FAM135B: variants seen among roughly 807,000 people sequenced by gnomAD.
The protein encoded by FAM135B is protein FAM135B.
FAM135B carries 43 observed loss-of-function variants against 127.7 expected under a neutral mutation model. That is an observed-to-expected ratio of 0.34 (90% CI 0.26 to 0.43). The LOEUF is 0.43. Ranked by LOEUF, FAM135B falls within the 20% of genes least tolerant of loss-of-function variation. The probability of loss-of-function intolerance (pLI) is 1.00; values close to 1 mark genes in which losing one functional copy is unlikely to be tolerated. For synonymous variants in FAM135B, 670 were observed against 665.1 expected, an observed-to-expected ratio of 1.01 and a Z score of -0.11; for missense variants, 1,558 against 1,725.6, an observed-to-expected ratio of 0.90 and a Z score of 1.72.
intron 7 of FAM135B, among the ~76,000 whole-genome samples, chr8:138,212,959 C>T (rs1222489479): frequency 1.3e-5 from 2 of 152,160 alleles, no homozygotes; most frequent in African/African-American, 4.8e-5. Context: ...TACTAGTCTC[C>T]AATTTAATGT....
intron 2 of FAM135B, among the ~76,000 whole-genome samples, chr8:138,326,258 T>G (rs1010593860): frequency 2.0e-5 from 3 of 152,174 alleles, no homozygotes; most frequent in African/African-American, 4.8e-5. Context: ...GCTGCTGGTC[T>G]GTCATCCAGG....
At chr8:138,424,121 C>T (rs779264641) in intron 1 of FAM135B, among the ~76,000 whole-genome samples, 11 of 152,058 alleles carry the variant, frequency 7.2e-5, no homozygotes, top group Middle Eastern at 6.8e-3. Flanking sequence ...GTGCAGTTAA[C>T]GCAATCATCA....
At chr8:138,396,257 T>G (rs978654) in intron 1 of FAM135B, among the ~76,000 whole-genome samples, 43,838 of 152,004 alleles carry the variant, frequency 0.29, 6,648 homozygotes, top group Non-Finnish European at 0.33. Context: ...TGACCGTGTC[T>G]GCATGGAGCA....
At chr8:138,227,718 T>G (rs1317602401) in intron 7 of FAM135B, among the ~76,000 whole-genome samples, 7 of 135,576 alleles carry the variant, frequency 5.2e-5, no homozygotes, top group African/African-American at 2.2e-4. Context: ...GTCTCTCTTT[T>G]TTTTTTTTTT....
chr8:138,452,448 C>A (rs896379899), intron 1 of FAM135B, among the ~76,000 whole-genome samples: 8 of 151,976 alleles, frequency 5.3e-5, no homozygotes, highest in Non-Finnish European at 1.0e-4. Context: ...GTGGAGGTGA[C>A]CACAGTCTAC....
chr8:138,433,883 G>A (rs924577944), intron 1 of FAM135B, among the ~76,000 whole-genome samples: 1 of 152,184 alleles, frequency 6.6e-6, no homozygotes, highest in East Asian at 1.9e-4. Context: ...CTGGCTCTGA[G>A]TATCATTATC....
At chr8:138,329,388 A>T (rs777137928) in intron 2 of FAM135B, among the ~76,000 whole-genome samples, 5 of 152,156 alleles carry the variant, frequency 3.3e-5, no homozygotes, top group African/African-American at 1.2e-4. Flanking sequence ...TTGCTTTTTG[A>T]TATGAAAACT....
At chr8:138,233,099 C>A (rs747711485) in intron 7 of FAM135B, among the ~76,000 whole-genome samples, 1 of 152,114 alleles carries the variant, frequency 6.6e-6, no homozygotes, top group Admixed American at 6.6e-5. Flanking sequence ...TATGGAATTA[C>A]AAATGATCTC....
In FAM135B at chr8:138,445,334, G is replaced by A. The variant is rs1240591544; in HGVS notation, c.-20+51337C>T. On this transcript the variant is annotated intron_variant, in intron 1 of 19. Coordinates refer to ENST00000395297, the MANE Select transcript of FAM135B (RefSeq NM_015912.4). ...CAGCATCATTCTGATACCAAAGCCT[G>A]GCAGAGACACAACAAAAAAAGAGAA... Among the ~76,000 whole-genome samples, 7 of 152,138 alleles carry A rather than the reference G, an allele frequency of 4.6e-5. No individual in the cohort carries two copies. In the East Asian group the frequency reaches 1.3e-3, roughly 29 times the overall value.
At chr8:138,136,383 G>C (rs1167521226) in intron 19 of FAM135B, among the ~76,000 whole-genome samples, 2 of 152,026 alleles carry the variant, frequency 1.3e-5, no homozygotes, top group African/African-American at 4.8e-5. Flanking sequence ...GACATTAGTG[G>C]ACACTGACAT....
chr8:138,241,001 C>A lies in FAM135B; in HGVS notation c.669+1941G>T, dbSNP rs767643380. On this transcript the variant is annotated intron_variant, in intron 7 of 19. Coordinates refer to ENST00000395297, the MANE Select transcript of FAM135B (RefSeq NM_015912.4). This position sits in a 1 kb window ranked among gnomAD's most constrained non-coding sequence, Gnocchi z 4.8. Reference sequence around the variant, plus strand: ...GACGTTCTGAGGGCCAGCACTGGCTCTGAGACTCTTCAGTCTCTACAATGG... The same window carrying A: ...GACGTTCTGAGGGCCAGCACTGGCTATGAGACTCTTCAGTCTCTACAATGG... 6.6e-6 allele frequency among the ~76,000 whole-genome samples: 1 copy of A among 152,196 alleles called. No homozygotes were observed. The highest frequency in any genetic ancestry group is 2.4e-5 in the African/African-American group (1 of 41,448).
chr8:138,450,268 T>C (rs2131584490), intron 1 of FAM135B, among the ~76,000 whole-genome samples: 1 of 152,376 alleles, frequency 6.6e-6, no homozygotes, highest in East Asian at 1.9e-4. Context: ...TCTTGATTGC[T>C]TCCAAGTTTT....
chr8:138,194,321 G>A (rs1816427944), intron 9 of FAM135B, among the ~76,000 whole-genome samples: 1 of 152,146 alleles, frequency 6.6e-6, no homozygotes, highest in East Asian at 1.9e-4. Flanking sequence ...TCCGCATTCC[G>A]CCCTCTCCAG....
At chr8:138,212,361 G>A (rs926753541) in intron 7 of FAM135B, among the ~76,000 whole-genome samples, 3 of 152,138 alleles carry the variant, frequency 2.0e-5, no homozygotes, top group Non-Finnish European at 1.5e-5. Flanking sequence ...ACTGGCAACC[G>A]TACTATACAA....
At chr8:138,423,182 A>T (rs879142406) in intron 1 of FAM135B, among the ~76,000 whole-genome samples, 3 of 152,186 alleles carry the variant, frequency 2.0e-5, no homozygotes, top group Admixed American at 2.0e-4. Flanking sequence ...TCAGTATCTG[A>T]GTGATGAAAT....
In FAM135B at chr8:138,390,941, G is replaced by A. The variant is rs188687862; in HGVS notation, c.-19-22939C>T. Among the ~76,000 whole-genome samples, 103 of 152,240 alleles carry A rather than the reference G, an allele frequency of 6.8e-4. 1 individual carries two copies. The highest frequency in any genetic ancestry group is 1.3e-3 in the Non-Finnish European group (86 of 68,010). On this transcript the variant is annotated intron_variant, in intron 1 of 19. Transcript: ENST00000395297. The stretch of plus-strand genomic sequence containing the variant: ...AGGAAGCAACTGTTTACCGTACCAC[G>A]ACGCAACAGGTGCTACCCAGGGAAA...
intron 7 of FAM135B, among the ~76,000 whole-genome samples, chr8:138,206,317 A>C (rs79400810): frequency 1.7e-5 from 1 of 57,252 alleles, no homozygotes; most frequent in African/African-American, 7.1e-5. Flanking sequence ...ACCTACCCAC[A>C]GCTCTATCAT....
chr8:138,426,957 G>A (rs1349066500), intron 1 of FAM135B, among the ~76,000 whole-genome samples: 1 of 151,772 alleles, frequency 6.6e-6, no homozygotes, highest in Non-Finnish European at 1.5e-5. Flanking sequence ...TATGAGACAA[G>A]AATTATGATA....
intron 1 of FAM135B, among the ~76,000 whole-genome samples, chr8:138,467,295 G>A (rs531171845): frequency 6.6e-5 from 10 of 152,252 alleles, no homozygotes; most frequent in African/African-American, 2.2e-4. Context: ...CAAACATCTC[G>A]GAGGCATAGT....
Sources: gnomAD v4.1 joint callset for allele counts (sites outside exome capture counted in the v4.1 genomes callset) on GRCh38, gnomAD v4.1.1 for gene constraint, Gnocchi (gnomAD v3.1) non-coding constraint, MANE v1.5 for transcripts, NCBI Gene and HGNC (gene_info 2026-07-23, HGNC 2026-07-21) for gene names.